The following NFE2L2 variants were observed in gnomAD, a reference collection of about 807,000 sequenced individuals.
The protein encoded by NFE2L2 is nuclear factor erythroid 2-related factor 2.
In NFE2L2, 20 loss-of-function variants were observed where a neutral mutation model predicts 49.6. That is an observed-to-expected ratio of 0.40 (90% CI 0.28 to 0.59). The LOEUF is 0.59. NFE2L2 is among the 20% of genes least tolerant of loss of function. The pLI, the probability that NFE2L2 is intolerant of heterozygous loss-of-function variation, is 0.40. For synonymous variants in NFE2L2, 244 were observed against 256.5 expected (o/e 0.95, Z 0.47); for missense variants, 578 against 714.2 (o/e 0.81, Z 2.17).
chr2:177,242,266 C>T (rs1425220742), intron 1 of NFE2L2, among the ~76,000 whole-genome samples: 1 of 152,162 alleles, frequency 6.6e-6, no homozygotes, highest in Non-Finnish European at 1.5e-5. Context: ...AGGTTTATTT[C>T]TATGTAACTA....
chr2:177,256,476 T>A (rs1690527005), intron 1 of NFE2L2, among the ~76,000 whole-genome samples: 2 of 134,784 alleles, frequency 1.5e-5, no homozygotes, highest in African/African-American at 2.9e-5. Context: ...ACTAATCTAC[T>A]CTGAATGTCA....
Position 177,264,514 on chromosome 2 carries a change from A to C in NFE2L2, c.45+18T>G. The C allele has an allele frequency of 6.6e-7, 1 of 1,523,852 alleles. No individual in the cohort carries two copies. 94.4% of individuals were successfully genotyped at this position (1,523,852 alleles called of 1,614,324 possible). The stretch of plus-strand genomic sequence containing the variant: ...CCGTCCCGGCACCACCGCAGGGCCC[A>C]GAGGGCCGAGGCAGCACCTGCTGGG... On this transcript the variant is annotated intron_variant, in intron 1 of 4. Transcript: ENST00000397062.
Position 177,230,689 on chromosome 2 carries a change from A to C in NFE2L2, c.*96T>G. On this transcript the variant is annotated 3_prime_UTR_variant, in exon 5 of 5. Coordinates refer to ENST00000397062, the MANE Select transcript of NFE2L2 (RefSeq NM_006164.5). ...AGTTTTGGCTATGATTTTGCATAGA[A>C]TTACTTATAAAGTATGAGCATTTCA... The C allele has an allele frequency of 2.2e-6, 3 of 1,370,160 alleles. No individual in the cohort carries two copies. Among genetic ancestry groups the C allele is most frequent in the Non-Finnish European group, 2.9e-6 (3 of 1,031,492 alleles). The allele number at this position is 1,370,160 out of a possible 1,614,324, so 84.9% of individuals were successfully genotyped here. A position where few individuals can be genotyped will look rare whatever the true frequency, so the allele number is the denominator to read the frequency against.
intron 1 of NFE2L2, among the ~76,000 whole-genome samples, chr2:177,254,575 G>A (rs761124422): frequency 1.3e-5 from 2 of 152,246 alleles, no homozygotes; most frequent in African/African-American, 2.4e-5. Flanking sequence ...ACAGCGATCC[G>A]TGGAACAGGA....
chr2:177,235,210 G>C (rs966471150), intron 1 of NFE2L2, among the ~76,000 whole-genome samples: 3 of 152,042 alleles, frequency 2.0e-5, no homozygotes, highest in African/African-American at 7.2e-5. Context: ...TGGATTGCTT[G>C]AGCCCAGGAG....
intron 1 of NFE2L2, among the ~76,000 whole-genome samples, chr2:177,242,792 G>A (rs1689984072): frequency 6.6e-6 from 1 of 151,922 alleles, no homozygotes; most frequent in South Asian, 2.1e-4. Context: ...AAAGATGTCA[G>A]AAAAAAAGTT....
Position 177,233,108 on chromosome 2 carries a change from A to G in NFE2L2, c.402+142T>C, listed in dbSNP as rs757308918. ...AGGCTAAGGTTTCCTTGACAAGAGT[A>G]TTTCCTTGGTTAAAAAATTTCCTCC... On this transcript the variant is annotated intron_variant, in intron 3 of 4. Coordinates refer to ENST00000397062, the MANE Select transcript of NFE2L2 (RefSeq NM_006164.5). 1.6e-5 allele frequency: 11 copies of G among 688,104 alleles called. No individual in the cohort carries two copies. In the African/African-American group the frequency reaches 1.9e-4, roughly 12 times the overall value. The allele number at this position is 688,104 out of a possible 1,614,324, so 42.6% of individuals were successfully genotyped here. A position where few individuals can be genotyped will look rare whatever the true frequency, so the allele number is the denominator to read the frequency against.
At chr2:177,243,441 T>A (rs1366619039) in intron 1 of NFE2L2, among the ~76,000 whole-genome samples, 1 of 152,228 alleles carries the variant, frequency 6.6e-6, no homozygotes, top group Admixed American at 6.5e-5. Context: ...ACTCCCCAAG[T>A]GATCCTTTAC....
intron 2 of NFE2L2, 164 bp downstream of exon 2, chr2:177,233,823 TAGGTTGGGTACTGAACTC>T (rs1689647119): frequency 2.9e-6 from 2 of 695,750 alleles, no homozygotes; most frequent in East Asian, 5.4e-5. Flanking sequence ...TTAAGATCAA[TAGGTTGGGTACTGAACTC>T]AGGTTAGGTA....
chr2:177,263,512 A>G, intron 1 of NFE2L2: 2 of 985,538 alleles, frequency 2.0e-6, no homozygotes. Context: ...ATTGCGCAAC[A>G]GATCAACAGC....
At chr2:177,232,290 C>T (rs936816367) in intron 4 of NFE2L2, 102 bp downstream of exon 4, 1 of 1,181,508 alleles carries the variant, frequency 8.5e-7, no homozygotes, top group Non-Finnish European at 1.2e-6. Flanking sequence ...GTTAATAGCA[C>T]CCTCCAATCC....
intron 1 of NFE2L2, among the ~76,000 whole-genome samples, chr2:177,257,807 G>C (rs929499073): frequency 6.6e-6 from 1 of 152,230 alleles, no homozygotes; most frequent in Non-Finnish European, 1.5e-5. Context: ...TGTAAACTGA[G>C]TATGCAAGGG....
chr2:177,238,499 G>C (rs568607306), intron 1 of NFE2L2, among the ~76,000 whole-genome samples: 1 of 152,288 alleles, frequency 6.6e-6, no homozygotes, highest in Admixed American at 6.5e-5. Flanking sequence ...TCCTACCCAA[G>C]CATACAGATG....
intron 1 of NFE2L2, among the ~76,000 whole-genome samples, chr2:177,244,181 G>A (rs544297724): frequency 4.5e-4 from 69 of 151,652 alleles, no homozygotes; most frequent in African/African-American, 1.5e-3. Flanking sequence ...GGTGCCTGTA[G>A]TCCCAGCTAC....
At chr2:177,246,686 A>G (rs986473935) in intron 1 of NFE2L2, among the ~76,000 whole-genome samples, 29 of 150,800 alleles carry the variant, frequency 1.9e-4, no homozygotes, top group Admixed American at 1.3e-4. Flanking sequence ...TGCAGCCTCA[A>G]CCTCCTGGGC....
rs1392448304 is a variant in NFE2L2 at position 177,232,584 on chromosome 2, C to T, written c.403-1G>A. The T allele has an allele frequency of 1.1e-5, 18 of 1,613,462 alleles. No individual in the cohort carries two copies. Among genetic ancestry groups the T allele is most frequent in the Non-Finnish European group, 1.5e-5 (18 of 1,179,526 alleles). On this transcript the variant is annotated splice_acceptor_variant, in intron 3 of 4. Transcript: ENST00000397062. LOFTEE classifies it high-confidence loss of function. ...GTGACTGAAACGTAGCCGAAGAAAC[C>T]TAAAATTGATAAGGCATTGATTTAT...
intron 1 of NFE2L2, among the ~76,000 whole-genome samples, chr2:177,238,249 C>A (rs1471209164): frequency 6.6e-6 from 1 of 152,146 alleles, no homozygotes; most frequent in Non-Finnish European, 1.5e-5. Flanking sequence ...CTTTTTCATG[C>A]AACTGAAGCA....
At chr2:177,252,958 C>T (rs1274121789) in intron 1 of NFE2L2, among the ~76,000 whole-genome samples, 5 of 152,216 alleles carry the variant, frequency 3.3e-5, no homozygotes, top group Non-Finnish European at 4.4e-5. Flanking sequence ...CCTGCCCTTT[C>T]CAGAATCTTC....
intron 1 of NFE2L2, chr2:177,263,811 C>T (rs966948413): frequency 1.0e-6 from 1 of 985,520 alleles, no homozygotes; most frequent in Non-Finnish European, 1.2e-6. Flanking sequence ...GCGCGGGGCC[C>T]GGCTCAGCCG....
Sources: allele counts gnomAD v4.1 joint callset (sites outside exome capture counted in the v4.1 genomes callset), GRCh38; gene constraint gnomAD v4.1.1; transcripts MANE v1.5; gene names NCBI Gene and HGNC (gene_info 2026-07-23, HGNC 2026-07-21).